The following STK3 variants were observed in gnomAD, a reference collection of about 807,000 sequenced individuals.
The protein encoded by STK3 is serine/threonine-protein kinase 3.
Under a neutral mutation model 58.0 loss-of-function variants are expected in STK3, and 41 were observed. The observed-to-expected ratio is 0.71, with a 90% confidence interval of 0.55 to 0.92. The LOEUF (loss-of-function observed/expected upper bound fraction) is 0.92. STK3 is among the 40% of genes least tolerant of loss of function. The probability of loss-of-function intolerance (pLI) is 0.00; values close to 1 mark genes in which losing one functional copy is unlikely to be tolerated. For synonymous variants in STK3, 170 were observed against 191.0 expected, an observed-to-expected ratio of 0.89 and a Z score of 0.91; for missense variants, 479 against 602.7, an observed-to-expected ratio of 0.79 and a Z score of 2.15.
At chr8:98,780,151 G>A (rs1203094628) in intron 1 of STK3, among the ~76,000 whole-genome samples, 1 of 150,744 alleles carries the variant, frequency 6.6e-6, no homozygotes, top group Non-Finnish European at 1.5e-5. Flanking sequence ...ATTACATTAT[G>A]GTATATTTTA....
chr8:98,553,249 A>AG (rs1459880953), intron 8 of STK3: 6 of 152,262 alleles, frequency 3.9e-5, no homozygotes, highest in African/African-American at 1.4e-4. Flanking sequence ...AGATTGAATT[A>AG]GGTGTCATGC....
At chr8:98,533,163 A>C (rs571265445) in intron 9 of STK3, among the ~76,000 whole-genome samples, 6 of 152,312 alleles carry the variant, frequency 3.9e-5, no homozygotes, top group Admixed American at 2.0e-4. Context: ...ATATTGTTGA[A>C]TAATGCTCCT....
intron 1 of STK3, among the ~76,000 whole-genome samples, chr8:98,445,110 A>G (rs1818880935): frequency 6.6e-6 from 1 of 152,228 alleles, no homozygotes; most frequent in South Asian, 2.1e-4. Flanking sequence ...TTTAAAGCGT[A>G]CAGTTCCACG....
intron 6 of STK3, among the ~76,000 whole-genome samples, chr8:98,671,452 T>C (rs915703081): frequency 2.0e-5 from 3 of 152,162 alleles, no homozygotes; most frequent in Non-Finnish European, 4.4e-5. Flanking sequence ...TTTGTATACA[T>C]AGAAAGACAG....
intron 8 of STK3, among the ~76,000 whole-genome samples, chr8:98,569,426 A>G (rs773266771): frequency 2.8e-4 from 42 of 152,128 alleles, no homozygotes; most frequent in Non-Finnish European, 4.7e-4. Flanking sequence ...CAACACTCCT[A>G]AAGAGGAATT....
the STK3 span, among the ~76,000 whole-genome samples, chr8:98,349,744 C>G: frequency 7.2e-5 from 11 of 152,232 alleles, no homozygotes; most frequent in African/African-American, 2.4e-5. Context: ...TTGGGACTTG[C>G]ACCCTCTGAA....
chr8:98,548,896 A>G (rs1351569692), intron 8 of STK3, among the ~76,000 whole-genome samples: 1 of 152,158 alleles, frequency 6.6e-6, no homozygotes, highest in African/African-American at 2.4e-5. Flanking sequence ...TATTTTGCTG[A>G]GCCTAATGCA....
At chr8:98,560,306 A>C (rs1022022168) in intron 8 of STK3, among the ~76,000 whole-genome samples, 1 of 152,144 alleles carries the variant, frequency 6.6e-6, no homozygotes, top group African/African-American at 2.4e-5. Context: ...TCTGTGTAGA[A>C]AATTTCACAG....
Position 98,825,635 on chromosome 8 carries a change from A to G in STK3, c.-95T>C. Reference sequence around the variant, plus strand: ...CGGCCGGCCGAGCCTAGGGCACCACAGAGGGAAACTCTGGGAACTCGGACC... The same window carrying G: ...CGGCCGGCCGAGCCTAGGGCACCACGGAGGGAAACTCTGGGAACTCGGACC... On this transcript the variant is annotated 5_prime_UTR_variant, in exon 1 of 11. Transcript: ENST00000419617. The G allele has an allele frequency of 1.6e-6, 2 of 1,269,692 alleles. No individual in the cohort carries two copies. The highest frequency in any genetic ancestry group is 4.4e-5 in the South Asian group (2 of 45,958). The allele number at this position is 1,269,692 out of a possible 1,614,324, so 78.7% of individuals were successfully genotyped here. A position where few individuals can be genotyped will look rare whatever the true frequency, so the allele number is the denominator to read the frequency against.
At chr8:98,612,708 CT>C (rs1331308034) in intron 6 of STK3, among the ~76,000 whole-genome samples, 1 of 152,094 alleles carries the variant, frequency 6.6e-6, no homozygotes, top group African/African-American at 2.4e-5. Flanking sequence ...AAGAAGAAAA[CT>C]TTAGGCAAAT....
At chr8:98,544,649 A>AAC (rs59159370) in intron 9 of STK3, among the ~76,000 whole-genome samples, 9,422 of 137,486 alleles carry the variant, frequency 0.069, 330 homozygotes, top group South Asian at 0.11. Flanking sequence ...ATTCTACTAT[A>AAC]ACACACACAC....
At chr8:98,489,569 C>A (rs939342420) in intron 10 of STK3, among the ~76,000 whole-genome samples, 5 of 152,048 alleles carry the variant, frequency 3.3e-5, no homozygotes, top group Non-Finnish European at 5.9e-5. Context: ...ACATATCCAC[C>A]TATATTTTTT....
intron 7 of STK3, among the ~76,000 whole-genome samples, chr8:98,589,406 G>T (rs565526323): frequency 1.7e-3 from 254 of 152,366 alleles, no homozygotes; most frequent in African/African-American, 5.8e-3. Context: ...CAGTTAGGCT[G>T]CCCGGGGGTC....
chr8:98,621,133 G>A (rs1242795509), intron 6 of STK3, among the ~76,000 whole-genome samples: 3 of 152,180 alleles, frequency 2.0e-5, no homozygotes, highest in Middle Eastern at 3.4e-3. Context: ...TAGTATTTTT[G>A]TATTCACCGT....
At chr8:98,349,361 C>T in the STK3 span, among the ~76,000 whole-genome samples, 29,629 of 152,192 alleles carry the variant, frequency 0.19, 3,268 homozygotes, top group Admixed American at 0.28. Context: ...CCATGGTCTT[C>T]GGCAGCTCTG....
chr8:98,718,691 TTA>T (rs1261747595), intron 4 of STK3, among the ~76,000 whole-genome samples: 4 of 152,152 alleles, frequency 2.6e-5, no homozygotes, highest in African/African-American at 4.8e-5. Flanking sequence ...TATTTACATA[TTA>T]TGTTATGATA....
chr8:98,781,893 A>G (rs34384550), intron 1 of STK3, among the ~76,000 whole-genome samples: 4 of 152,238 alleles, frequency 2.6e-5, no homozygotes, highest in Non-Finnish European at 4.4e-5. Flanking sequence ...AGGTGGTGAA[A>G]TTGATAAAAA....
At chr8:98,525,984 TG>T (rs1409157704) in intron 10 of STK3, among the ~76,000 whole-genome samples, 1 of 151,852 alleles carries the variant, frequency 6.6e-6, no homozygotes, top group African/African-American at 2.4e-5. Context: ...TTATTTTGTT[TG>T]GGAAAAAAAA....
chr8:98,553,494 A>G (rs1345101956), intron 8 of STK3: 1 of 152,156 alleles, frequency 6.6e-6, no homozygotes, highest in Non-Finnish European at 1.5e-5. Flanking sequence ...AGAATGAAGG[A>G]CAATTTTATG....
Sources: gnomAD v4.1 joint callset for allele counts (sites outside exome capture counted in the v4.1 genomes callset) on GRCh38, gnomAD v4.1.1 for gene constraint, MANE v1.5 for transcripts, NCBI Gene and HGNC (gene_info 2026-07-23, HGNC 2026-07-21) for gene names.